Variants in IRX4 observed in about 807,000 individuals in gnomAD.
The protein encoded by IRX4 is iroquois homeobox 4.
In IRX4, 22 loss-of-function variants were observed where a neutral mutation model predicts 32.0. The ratio of observed to expected loss-of-function variants is 0.69; its 90% CI spans 0.49 to 0.98. The LOEUF (loss-of-function observed/expected upper bound fraction) is 0.98, where lower values mean the gene tolerates loss of function less well. Ranked by LOEUF, IRX4 falls within the 50% of genes least tolerant of loss-of-function variation. IRX4 has a pLI of 0.00. For missense variants in IRX4, 840 were observed against 744.2 expected, an observed-to-expected ratio of 1.13 and a Z score of -1.50; for synonymous variants, 379 against 351.7, an observed-to-expected ratio of 1.08 and a Z score of -0.87.
chr5:1,881,983 G>A lies in IRX4; in HGVS notation c.122C>T (p.Ala41Val). 3 of 1,551,630 alleles carry A rather than the reference G, an allele frequency of 1.9e-6. No homozygotes were observed. Among genetic ancestry groups the A allele is most frequent in the Admixed American group, 1.9e-5 (1 of 51,422 alleles). Residue 41 changes from alanine to valine, a missense_variant, in exon 2 of 5, where the codon GCC becomes GTC. By Grantham distance (64) the Ala-to-Val change is moderately conservative. Transcript: ENST00000231357. Reference protein sequence around the residue: ...GRTLADSGPAASAQAPVYCPV... With the variant: ...GRTLADSGPAVSAQAPVYCPV... ...GCAGTAGACCGGCGCCTGGGCCGAG[G>A]CGGCGGGCCCGGAGTCCGCCAGCGT... is the stretch of plus-strand genomic sequence containing the variant.
Position 1,877,912 on chromosome 5 carries a change from G to A in IRX4, c.*57C>T. 7.0e-7 allele frequency: 1 copy of A among 1,420,186 alleles called. No homozygotes were observed. Among genetic ancestry groups the A allele is most frequent in the East Asian group, 2.7e-5 (1 of 37,360 alleles). 88.0% of individuals were successfully genotyped at this position (1,420,186 alleles called of 1,614,324 possible). ...TCTTCCTCTGGAAACTCAGTGAAAAGAGTCGGCGCCGTCCGCCTGAGCGCG... is the reference window on the plus strand; with the variant it reads ...TCTTCCTCTGGAAACTCAGTGAAAAAAGTCGGCGCCGTCCGCCTGAGCGCG... On this transcript the variant is annotated 3_prime_UTR_variant, in exon 5 of 5. Coordinates refer to ENST00000231357, the MANE Select transcript of IRX4 (RefSeq NM_016358.3).
At position 1,878,621 on chromosome 5, in the gene IRX4, G is replaced by T; in HGVS notation, c.908C>A (p.Ala303Glu). Reference protein sequence around the residue: ...PDGPVKEASGALRMSLAAGGG... With the variant: ...PDGPVKEASGELRMSLAAGGG... ...ACCCGCGGCCAGAGACATCCGGAGC[G>T]CGCCTGAGGCCTCCTTGACCGGGCC... is the stretch of plus-strand genomic sequence containing the variant. Residue 303 changes from alanine (A) to glutamate (E), a missense_variant, in exon 5 of 5, where the codon GCG (alanine) becomes GAG (glutamate). This residue lies in a region of IRX4 where 585 missense variants were observed against 488.0 expected (regional missense o/e 1.20). Transcript: ENST00000231357. 1 of 1,571,714 alleles carries T rather than the reference G, an allele frequency of 6.4e-7. No individual in the cohort carries two copies. Among genetic ancestry groups the T allele is most frequent in the South Asian group, 1.2e-5 (1 of 86,370 alleles).
In IRX4 at chr5:1,880,576, CCACAGACT is replaced by C. The variant is rs536551660; in HGVS notation, c.407+141_407+148del. On this transcript the variant is annotated intron_variant, in intron 3 of 4. Coordinates refer to ENST00000231357, the MANE Select transcript of IRX4 (RefSeq NM_016358.3). Reference sequence around the variant, plus strand: ...GGGACAGGAGGCTGGACCCCACAGACCACAGACTCAGGTCATGCCTGACCTAAGAGTGT... The same window carrying C: ...GGGACAGGAGGCTGGACCCCACAGACCAGGTCATGCCTGACCTAAGAGTGT... The C allele has an allele frequency of 2.7e-4, 167 of 623,392 alleles. 3 individuals are homozygous for C. The South Asian group carries it at 3.1e-3, about 11-fold the overall frequency. The allele number at this position is 623,392 out of a possible 1,614,324, so 38.6% of individuals were successfully genotyped here. A position where few individuals can be genotyped will look rare whatever the true frequency, so the allele number is the denominator to read the frequency against.
intron 3 of IRX4, chr5:1,880,160 G>T: frequency 3.3e-6 from 5 of 1,531,532 alleles, no homozygotes; most frequent in Non-Finnish European, 4.4e-6. Context: ...CCATAAAAAG[G>T]TATAGACAGG....
At chr5:1,880,671 G>T in intron 3 of IRX4, 54 bp downstream of exon 3, 1 of 1,213,388 alleles carries the variant, frequency 8.2e-7, no homozygotes, top group Non-Finnish European at 1.2e-6. Flanking sequence ...GTTGGTGGCT[G>T]ACAGTGCAGA....
Position 1,878,390 on chromosome 5 carries a change from G to C in IRX4, c.1139C>G (p.Ala380Gly). The C allele has an allele frequency of 6.5e-7, 1 of 1,528,170 alleles. No homozygotes were observed. Among genetic ancestry groups the C allele is most frequent in the South Asian group, 1.2e-5 (1 of 82,654 alleles). The allele number at this position is 1,528,170 out of a possible 1,614,324, so 94.7% of individuals were successfully genotyped here. ...AGTCTGGCTCAGGGAGGTGGCGGCG[G>C]CGGCGGCGGCGGTGGCTGTGTGGGC... ...SLAHTATAAA[A>G]AATSLSQTEF... The change falls in exon 5 of 5, where the codon GCC (alanine) becomes GGC (glycine). Residue 380 changes from alanine to glycine, a missense_variant. This residue lies in a region of IRX4 where 585 missense variants were observed against 488.0 expected (regional missense o/e 1.20). Coordinates refer to ENST00000231357, the MANE Select transcript of IRX4 (RefSeq NM_016358.3).
chr5:1,884,040 T>A (rs1004797810), upstream of IRX4: 5 of 152,308 alleles, frequency 3.3e-5, no homozygotes, highest in Non-Finnish European at 5.9e-5. Flanking sequence ...CAGGACTCCC[T>A]CGGCCAGTAC....
In IRX4 at chr5:1,880,796, A is replaced by T. The variant is rs745780343; in HGVS notation, c.336T>A (p.His112Gln). 1 of 1,613,680 alleles carries T rather than the reference A, an allele frequency of 6.2e-7. No homozygotes were observed. The highest frequency in any genetic ancestry group is 8.5e-7 in the Non-Finnish European group (1 of 1,179,968). Reference protein sequence around the residue: ...FDSKDGSGSAHGGLAPAAAAY... With the variant: ...FDSKDGSGSAQGGLAPAAAAY... The stretch of plus-strand genomic sequence containing the variant: ...CGGCAGCGGCTGGTGCCAGGCCCCC[A>T]TGCGCAGATCCCGAACCATCCTTGG... The change falls in exon 3 of 5, where the codon CAT (histidine) becomes CAA (glutamine). Residue 112 changes from histidine (H) to glutamine (Q), a missense_variant. Around this residue, in one of 3 missense-constraint regions of IRX4, gnomAD observed 241 missense variants for 220.8 expected, o/e 1.09. Transcript: ENST00000231357.
chr5:1,879,050 G>A (rs1047765263), intron 4 of IRX4, among the ~76,000 whole-genome samples: 1 of 151,082 alleles, frequency 6.6e-6, no homozygotes, highest in African/African-American at 2.4e-5. Context: ...GGAGTGCAGT[G>A]GCGCGATCTC....
chr5:1,878,540 G>A lies in IRX4; in HGVS notation c.989C>T (p.Ala330Val), dbSNP rs1372444611. 2.7e-6 allele frequency: 4 copies of A among 1,470,150 alleles called. No homozygotes were observed. In the South Asian group the frequency reaches 4.1e-5, roughly 15 times the overall value. 91.1% of individuals were successfully genotyped at this position (1,470,150 alleles called of 1,614,324 possible). Residue 330 changes from alanine to valine, a missense_variant, in exon 5 of 5, where the codon GCG (alanine) becomes GTG (valine). Ala to Val is a moderately conservative substitution (Grantham distance 64, BLOSUM62 0). Transcript: ENST00000231357. ...CGGCAGTGGCTCCGGCCCGGCCGCCGCGCTGCGGAGACAGCTCCGGGCCCT... is the reference window on the plus strand; with the variant it reads ...CGGCAGTGGCTCCGGCCCGGCCGCCACGCTGCGGAGACAGCTCCGGGCCCT... ...LERARSCLRS[A>V]AAGPEPLPGA...
chr5:1,878,698 C>T lies in IRX4; in HGVS notation c.831G>A (p.Pro277=), dbSNP rs1424231959. ...EAEPPACELK[P]PFHSLDGGLE... ...GACCGCCGTCCAGGGAGTGGAAGGG[C>T]GGCTTCAGCTCGCACGCCGGCGGCT... Residue 277 remains proline (P), a synonymous_variant, in exon 5 of 5, where the codon CCG becomes CCA. Transcript: ENST00000231357. 7 of 1,610,696 alleles carry T rather than the reference C, an allele frequency of 4.3e-6. No homozygotes were observed. Among genetic ancestry groups the T allele is most frequent in the South Asian group, 1.1e-5 (1 of 90,792 alleles).
chr5:1,882,800 T>A lies in IRX4; in HGVS notation c.-153A>T. On this transcript the variant is annotated 5_prime_UTR_variant, in exon 1 of 5. The change creates a new upstream start codon in the 5' untranslated region. Transcript: ENST00000231357. ...TAGTCCATCCCCGCGCTCCGCAAAC[T>A]TTTCTAACCGGGTAACAAAGTGAGC... The A allele has an allele frequency of 2.3e-6, 1 of 431,286 alleles. No homozygotes were observed. The highest frequency in any genetic ancestry group is 2.0e-5 in the African/African-American group (1 of 48,782). The allele number at this position is 431,286 out of a possible 1,614,324, so 26.7% of individuals were successfully genotyped here. A position where few individuals can be genotyped will look rare whatever the true frequency, so the allele number is the denominator to read the frequency against.
At position 1,878,167 on chromosome 5, in the gene IRX4, G is replaced by A. The variant is rs1234408443; in HGVS notation, c.1362C>T (p.Asn454=). 6.3e-7 allele frequency: 1 copy of A among 1,579,044 alleles called. No individual in the cohort carries two copies. Among genetic ancestry groups the A allele is most frequent in the East Asian group, 2.3e-5 (1 of 43,456 alleles). ...CGCCCTTGGCGGTGGCCCAGGCCTG[G>A]TTCAAAGTGCTGTGCCTGAGGATGG... The part of the protein sequence containing the change: ...HDPILRHSTL[N]QAWATAKGAL... The change falls in exon 5 of 5, where the codon AAC becomes AAT. Residue 454 remains asparagine (N), a synonymous_variant. Transcript: ENST00000231357.
intron 2 of IRX4, 125 bp downstream of exon 2, chr5:1,881,683 G>T: frequency 8.2e-7 from 1 of 1,226,896 alleles, no homozygotes; most frequent in Non-Finnish European, 1.1e-6. Context: ...GTTGAAGGCA[G>T]CCAAGGTGAG....
At position 1,878,059 on chromosome 5, in the gene IRX4, C is replaced by G. The variant is rs755882161; in HGVS notation, c.1470G>C (p.Pro490=). The stretch of plus-strand genomic sequence containing the variant: ...CTGGGGCGTCCTGGGGCACGGCAGG[C>G]GGAAAGGCGCGGGCCAGGGGTGCAG... ...VLTAPLARAF[P]PAVPQDAPAA... The change falls in exon 5 of 5, where the codon CCG becomes CCC. Residue 490 remains proline (P), a synonymous_variant. Transcript: ENST00000231357. The G allele has an allele frequency of 6.6e-7, 1 of 1,511,370 alleles. No individual in the cohort carries two copies. Among genetic ancestry groups the G allele is most frequent in the Admixed American group, 2.0e-5 (1 of 48,936 alleles). 93.6% of individuals were successfully genotyped at this position (1,511,370 alleles called of 1,614,324 possible).
At chr5:1,883,715 A>G (rs886276789), upstream of IRX4, among the ~76,000 whole-genome samples, 6 of 152,102 alleles carry the variant, frequency 3.9e-5, no homozygotes, top group African/African-American at 1.4e-4. Flanking sequence ...GTTCCCGCTC[A>G]GCCCACCGCC....
chr5:1,882,117 G>A, intron 1 of IRX4, 58 bp from the exon 2 acceptor site: 1 of 1,509,460 alleles, frequency 6.6e-7, no homozygotes, highest in Non-Finnish European at 8.8e-7. Flanking sequence ...GGGGCCCTGG[G>A]CCTTGCCAAT....
At chr5:1,878,871 G>A (rs570477558) in intron 4 of IRX4, 79 bp from the exon 5 acceptor site, 33 of 1,471,126 alleles carry the variant, frequency 2.2e-5, no homozygotes, top group East Asian at 4.6e-5. Context: ...CCACCATTAT[G>A]AGGCCTGTTC....
upstream of IRX4, among the ~76,000 whole-genome samples, chr5:1,883,081 C>G (rs1391254581): frequency 7.2e-5 from 11 of 152,114 alleles, no homozygotes; most frequent in Non-Finnish European, 1.6e-4. Flanking sequence ...CGGGAGGGGC[C>G]AGGACAGTCC....
Sources: allele counts gnomAD v4.1 joint callset (sites outside exome capture counted in the v4.1 genomes callset), GRCh38; gene constraint gnomAD v4.1.1; regional missense constraint gnomAD v4.1.1; transcripts MANE v1.5; gene names NCBI Gene and HGNC (gene_info 2026-07-23, HGNC 2026-07-21).